DPH6: variants seen among roughly 807,000 people sequenced by gnomAD.
DPH6 encodes diphthine--ammonia ligase.
DPH6 carries 33 observed loss-of-function variants against 38.2 expected under a neutral mutation model. That is an observed-to-expected ratio of 0.86 (90% confidence interval 0.65 to 1.15). DPH6 has a LOEUF of 1.15. Among genes scored for constraint, DPH6 ranks in the 50% most tolerant of loss-of-function variants. The pLI is 0.00. For synonymous variants in DPH6, 108 were observed against 103.0 expected (o/e 1.05, Z -0.30); for missense variants, 325 against 320.0 (o/e 1.02, Z -0.12).
rs373648943 is a variant in DPH6 at position 35,461,949 on chromosome 15, T to C, written c.313-7129A>G. ...AGTTAGGCTGCAGATTCAACAAAGC[T>C]CTTGATCCAGCACATATATCCATCC... On this transcript the variant is annotated intron_variant, in intron 3 of 8. Coordinates refer to ENST00000256538, the MANE Select transcript of DPH6 (RefSeq NM_080650.4). Among the ~76,000 whole-genome samples the C allele has an allele frequency of 4.6e-5, 7 of 152,302 alleles. No homozygotes were observed. In the East Asian group the frequency reaches 1.4e-3, roughly 29 times the overall value.
intron 2 of DPH6, among the ~76,000 whole-genome samples, chr15:35,539,318 C>T (rs1190009414): frequency 6.6e-6 from 1 of 151,890 alleles, no homozygotes; most frequent in Non-Finnish European, 1.5e-5. Context: ...TAATAAAGTA[C>T]TATGCAGCCA....
At chr15:35,151,127 G>C in the DPH6 span, among the ~76,000 whole-genome samples, 1 of 152,172 alleles carries the variant, frequency 6.6e-6, no homozygotes, top group Non-Finnish European at 1.5e-5. Context: ...TTAACCCGGG[G>C]AAGTGGGTTT....
chr15:35,485,987 G>A (rs147574373), intron 3 of DPH6, among the ~76,000 whole-genome samples: 15 of 152,280 alleles, frequency 9.9e-5, no homozygotes, highest in African/African-American at 3.6e-4. Flanking sequence ...CTGCTATAAA[G>A]AACTACCTGA....
At chr15:35,374,826 GAAAGTACAGAGGAGGCCCTCC>G (rs748768428) in intron 7 of DPH6, among the ~76,000 whole-genome samples, 18 of 152,042 alleles carry the variant, frequency 1.2e-4, no homozygotes, top group Admixed American at 2.6e-4. Flanking sequence ...AGCAGAAAGA[GAAAGTACAGAGGAGGCCCTCC>G]TGCTTGCTAC....
intron 3 of DPH6, among the ~76,000 whole-genome samples, chr15:35,333,395 T>G (rs1432467775): frequency 6.6e-6 from 1 of 152,012 alleles, no homozygotes; most frequent in East Asian, 1.9e-4. Context: ...ATATAGCTAT[T>G]ATAGGAAGAA....
intron 6 of DPH6, among the ~76,000 whole-genome samples, chr15:35,409,570 T>C (rs961720408): frequency 6.6e-6 from 1 of 152,096 alleles, no homozygotes; most frequent in Non-Finnish European, 1.5e-5. Context: ...ATTTCGGAAA[T>C]AGCTCTTTTG....
intron 5 of DPH6, among the ~76,000 whole-genome samples, chr15:35,412,023 A>G (rs933286050): frequency 6.6e-6 from 1 of 151,740 alleles, no homozygotes; most frequent in Non-Finnish European, 1.5e-5. Context: ...ATTAAAATTA[A>G]AAAACCTCTG....
At chr15:35,176,068 A>G in the DPH6 span, among the ~76,000 whole-genome samples, 1 of 152,228 alleles carries the variant, frequency 6.6e-6, no homozygotes, top group East Asian at 1.9e-4. Flanking sequence ...TAACAATTTA[A>G]GGTTAAGATG....
In DPH6 at chr15:35,303,410, G is replaced by C. The variant is rs76222147; in HGVS notation, n.200+70111C>G. 6.4e-3 allele frequency among the ~76,000 whole-genome samples: 970 copies of C among 151,802 alleles called. 5 individuals carry two copies. Among genetic ancestry groups the C allele is most frequent in the Admixed American group, 0.013 (204 of 15,266 alleles). Reference sequence around the variant, plus strand: ...TTCATTATTTAATTTCTTACCAATAGACGTTCCAATGACAAATATTACTGC... The same window carrying C: ...TTCATTATTTAATTTCTTACCAATACACGTTCCAATGACAAATATTACTGC... On this transcript the variant is annotated intron_variant and non_coding_transcript_variant, in intron 3 of 3. Coordinates refer to the DPH6 transcript ENST00000560386.
chr15:35,152,072 A>T, the DPH6 span, among the ~76,000 whole-genome samples: 2 of 152,320 alleles, frequency 1.3e-5, no homozygotes, highest in African/African-American at 2.4e-5. Flanking sequence ...ATTAATTTCA[A>T]CGTTTAAGAT....
chr15:35,466,916 T>C (rs192318902), intron 3 of DPH6, among the ~76,000 whole-genome samples: 24 of 152,274 alleles, frequency 1.6e-4, no homozygotes, highest in Non-Finnish European at 2.6e-4. Context: ...CTTAGCATGG[T>C]TGGAGCTTAC....
intron 3 of DPH6, among the ~76,000 whole-genome samples, chr15:35,357,329 G>A (rs2052570939): frequency 6.6e-6 from 1 of 152,174 alleles, no homozygotes; most frequent in Non-Finnish European, 1.5e-5. Context: ...GATGAACCCG[G>A]TATCTCAGTT....
At chr15:35,432,223 T>C (rs2053641624) in intron 5 of DPH6, among the ~76,000 whole-genome samples, 1 of 152,140 alleles carries the variant, frequency 6.6e-6, no homozygotes, top group South Asian at 2.1e-4. Flanking sequence ...GAAAAAAATC[T>C]ATATGATGTT....
intron 3 of DPH6, among the ~76,000 whole-genome samples, chr15:35,280,735 T>A (rs1329201238): frequency 2.6e-5 from 4 of 152,118 alleles, no homozygotes; most frequent in Admixed American, 1.3e-4. Flanking sequence ...GTAAAAAAAA[T>A]TTTCTCTTTT....
At chr15:35,180,392 A>AACAC in the DPH6 span, among the ~76,000 whole-genome samples, 66 of 140,598 alleles carry the variant, frequency 4.7e-4, no homozygotes, top group African/African-American at 1.4e-3. Context: ...TTGGTTTTAA[A>AACAC]ACACACACAC....
intron 3 of DPH6, among the ~76,000 whole-genome samples, chr15:35,221,983 G>C (rs1239569025): frequency 6.6e-6 from 1 of 152,140 alleles, no homozygotes; most frequent in Non-Finnish European, 1.5e-5. Context: ...CTGGGCCATG[G>C]ACACAATTCA....
chr15:35,538,466 C>A lies in DPH6; in HGVS notation c.120G>T (p.Val40=). 1.3e-6 allele frequency: 2 copies of A among 1,511,958 alleles called. No individual in the cohort carries two copies. The highest frequency in any genetic ancestry group is 2.3e-5 in the East Asian group (1 of 43,012). The allele number at this position is 1,511,958 out of a possible 1,614,324, so 93.7% of individuals were successfully genotyped here. Residue 40 remains valine (V), a splice_region_variant and synonymous_variant, in exon 3 of 9, where the codon GTG becomes GTT. Coordinates refer to ENST00000256538, the MANE Select transcript of DPH6 (RefSeq NM_080650.4). ...LANLRPAENQ[V]GSDELDSYMY... is the part of the protein sequence containing the mutation. ...TGTAGCTATCCAGTTCATCAGACCC[C>A]ACTGCAACAATTAAAATGGAAATAA...
chr15:35,269,595 C>A (rs1385483562), intron 3 of DPH6, among the ~76,000 whole-genome samples: 3 of 151,520 alleles, frequency 2.0e-5, no homozygotes, highest in Non-Finnish European at 4.4e-5. Flanking sequence ...CGCCAACACG[C>A]CCGGCTAATT....
intron 3 of DPH6, among the ~76,000 whole-genome samples, chr15:35,533,038 C>T (rs1343158074): frequency 1.3e-5 from 2 of 150,512 alleles, no homozygotes; most frequent in Admixed American, 6.7e-5. Context: ...ACCTAGGAGG[C>T]GGAGGTTGCA....
Sources: gnomAD v4.1 joint callset for allele counts (sites outside exome capture counted in the v4.1 genomes callset) on GRCh38, gnomAD v4.1.1 for gene constraint, MANE v1.5 for transcripts, NCBI Gene and HGNC (gene_info 2026-07-23, HGNC 2026-07-21) for gene names.